RBFOX3: variants seen among roughly 807,000 people sequenced by gnomAD.
RBFOX3 encodes RNA binding protein fox-1 homolog 3.
Under a neutral mutation model 48.7 loss-of-function variants are expected in RBFOX3, and 17 were observed. The observed-to-expected ratio is 0.35, with a 90% CI of 0.24 to 0.52. RBFOX3 has a LOEUF of 0.52. Ranked by LOEUF, RBFOX3 falls within the 20% of genes least tolerant of loss-of-function variation. The pLI, the probability that RBFOX3 is intolerant of heterozygous loss-of-function variation, is 0.94. For missense variants in RBFOX3, 382 were observed against 497.5 expected, an observed-to-expected ratio of 0.77 and a Z score of 2.21; for synonymous variants, 212 against 209.5, an observed-to-expected ratio of 1.01 and a Z score of -0.10.
intron 2 of RBFOX3, among the ~76,000 whole-genome samples, chr17:79,350,696 G>A (rs754861879): frequency 6.6e-6 from 1 of 152,190 alleles, no homozygotes; most frequent in Non-Finnish European, 1.5e-5. Flanking sequence ...GTGTCCCTGT[G>A]ACCTGGTGCT....
At chr17:79,604,207 CTGAG>C (rs1270203852) in intron 1 of RBFOX3, among the ~76,000 whole-genome samples, 6 of 152,338 alleles carry the variant, frequency 3.9e-5, no homozygotes, top group Middle Eastern at 3.4e-3. Context: ...AGGAAACTAA[CTGAG>C]TGAAGACTCA....
chr17:79,110,400 C>T (rs548621197), intron 5 of RBFOX3, among the ~76,000 whole-genome samples: 1 of 152,124 alleles, frequency 6.6e-6, no homozygotes, highest in African/African-American at 2.4e-5. Flanking sequence ...GGCACGGAGA[C>T]AGACAAAGGG....
At chr17:79,161,902 C>T (rs955573108) in intron 4 of RBFOX3, among the ~76,000 whole-genome samples, 3 of 152,196 alleles carry the variant, frequency 2.0e-5, no homozygotes, top group African/African-American at 7.2e-5. Context: ...CACACCCACA[C>T]TCTGTGGGGA....
chr17:79,478,389 G>A (rs1024705986), intron 2 of RBFOX3, among the ~76,000 whole-genome samples: 24 of 152,192 alleles, frequency 1.6e-4, no homozygotes, highest in East Asian at 1.5e-3. Flanking sequence ...TGGCGTGTGC[G>A]GCAGCTCCCG....
chr17:79,491,592 T>A (rs1376574748), intron 1 of RBFOX3, among the ~76,000 whole-genome samples: 1 of 151,942 alleles, frequency 6.6e-6, no homozygotes, highest in Non-Finnish European at 1.5e-5. Flanking sequence ...GCAAGCCACC[T>A]CCCGGGTTTC....
chr17:79,539,940 C>CA (rs1373546990), intron 1 of RBFOX3, among the ~76,000 whole-genome samples: 1 of 152,088 alleles, frequency 6.6e-6, no homozygotes, highest in Admixed American at 6.5e-5. Context: ...CATACCTATA[C>CA]AAAAAAACCT....
chr17:79,435,093 A>G (rs2069148180), intron 2 of RBFOX3, among the ~76,000 whole-genome samples: 2 of 152,202 alleles, frequency 1.3e-5, no homozygotes, highest in South Asian at 2.1e-4. Context: ...TTTTCCTTCA[A>G]TCTGGGACCC....
chr17:79,374,403 C>G (rs1351428757), intron 2 of RBFOX3, among the ~76,000 whole-genome samples: 1 of 152,192 alleles, frequency 6.6e-6, no homozygotes, highest in Non-Finnish European at 1.5e-5. Context: ...AGCCTTTCTT[C>G]TTTGGAAAGG....
At position 79,592,396 on chromosome 17, in the gene RBFOX3, A is replaced by G. The variant is rs953601775; in HGVS notation, c.-320+18430T>C. ...TGTGTGCAGTGTGTGATATGTGTGG[A>G]ATGTGTAGTATGGGCACACGTGTGC... On this transcript the variant is annotated intron_variant, in intron 1 of 14. Transcript: ENST00000693108. 1.3e-3 allele frequency among the ~76,000 whole-genome samples: 201 copies of G among 150,302 alleles called. 1 individual carries two copies. Among genetic ancestry groups the G allele is most frequent in the African/African-American group, 4.2e-3 (173 of 40,872 alleles).
chr17:79,571,599 G>A (rs1406626866), intron 1 of RBFOX3, among the ~76,000 whole-genome samples: 2 of 146,020 alleles, frequency 1.4e-5, no homozygotes, highest in Non-Finnish European at 3.0e-5. Context: ...TGATCAGGTT[G>A]TCTTAAACCT....
intron 4 of RBFOX3, among the ~76,000 whole-genome samples, chr17:79,142,403 T>C (rs1290238081): frequency 6.6e-6 from 1 of 152,180 alleles, no homozygotes; most frequent in Non-Finnish European, 1.5e-5. Context: ...GAATGTATTC[T>C]TCAAACAGAC....
Position 79,094,540 on chromosome 17 carries a change from GCGT to G in RBFOX3, c.999-14_999-12del. 7.9e-7 allele frequency: 1 copy of G among 1,272,184 alleles called. No homozygotes were observed. 78.8% of individuals were successfully genotyped at this position (1,272,184 alleles called of 1,614,324 possible). A position where few individuals can be genotyped will look rare whatever the true frequency, so the allele number is the denominator to read the frequency against. ...TAGACTCTGCCGTAACTAGGGAAGA[GCGT>G]GGGAGGGGGAGTGGGAGGAGGGTGG... is the stretch of plus-strand genomic sequence containing the variant. On this transcript the variant is annotated splice_polypyrimidine_tract_variant and intron_variant, in intron 13 of 14. Coordinates refer to ENST00000693108, the MANE Select transcript of RBFOX3 (RefSeq NM_001350451.2).
rs536334941 is a variant in RBFOX3, at chr17:79,252,544, G to A, written c.-73-16739C>T. ...TAGAGGCTGGAACAGGGAGGCAGTGGACTCTCCCTCGGAAATGAGCTCTGA... is the reference window on the plus strand; with the variant it reads ...TAGAGGCTGGAACAGGGAGGCAGTGAACTCTCCCTCGGAAATGAGCTCTGA... On this transcript the variant is annotated intron_variant, in intron 3 of 14. Coordinates refer to ENST00000693108, the MANE Select transcript of RBFOX3 (RefSeq NM_001350451.2). This position sits in a 1 kb window ranked among gnomAD's most constrained non-coding sequence, Gnocchi z 4.0. Among the ~76,000 whole-genome samples, 321 of 152,306 alleles carry A rather than the reference G, an allele frequency of 2.1e-3. No individual in the cohort carries two copies. Among genetic ancestry groups the A allele is most frequent in the African/African-American group, 7.3e-3 (303 of 41,562 alleles).
chr17:79,620,583 A>ATGCACACATGTGCACACC, the RBFOX3 span, among the ~76,000 whole-genome samples: 1 of 93,900 alleles, frequency 1.1e-5, no homozygotes, highest in East Asian at 2.3e-4. Context: ...GCACACACGC[A>ATGCACACATGTGCACACC]CGCACACACA....
chr17:79,561,838 G>A (rs1248294082), intron 1 of RBFOX3, among the ~76,000 whole-genome samples: 3 of 152,170 alleles, frequency 2.0e-5, no homozygotes, highest in Admixed American at 6.5e-5. Context: ...CCACACCTGT[G>A]TCTGGTGGGG....
At chr17:79,327,379 G>A (rs1005280649) in intron 2 of RBFOX3, among the ~76,000 whole-genome samples, 3 of 152,126 alleles carry the variant, frequency 2.0e-5, no homozygotes, top group African/African-American at 7.2e-5. Context: ...CAAAGGCCCT[G>A]GACATCAGGA....
At chr17:79,105,952 C>A (rs187654977) in intron 6 of RBFOX3, among the ~76,000 whole-genome samples, 2 of 152,286 alleles carry the variant, frequency 1.3e-5, no homozygotes, top group Admixed American at 1.3e-4. Flanking sequence ...ACCTGCCTGG[C>A]GCATTCAAGT....
chr17:79,617,409 C>T, the RBFOX3 span, among the ~76,000 whole-genome samples: 5 of 151,442 alleles, frequency 3.3e-5, no homozygotes, highest in African/African-American at 7.4e-5. Flanking sequence ...CCTACCTCCA[C>T]GTCCACACCC....
chr17:79,264,988 G>A (rs575729086), intron 3 of RBFOX3, among the ~76,000 whole-genome samples: 3 of 151,862 alleles, frequency 2.0e-5, no homozygotes, highest in Admixed American at 2.0e-4. Context: ...GCAGATTTGT[G>A]GCGATCATAA....
Sources: allele counts gnomAD v4.1 joint callset (sites outside exome capture counted in the v4.1 genomes callset), GRCh38; gene constraint gnomAD v4.1.1; non-coding constraint Gnocchi (gnomAD v3.1); transcripts MANE v1.5; gene names NCBI Gene and HGNC (gene_info 2026-07-23, HGNC 2026-07-21).